TENM2: variants seen among roughly 807,000 people sequenced by gnomAD.
The protein encoded by TENM2 is teneurin-2.
In TENM2, 52 loss-of-function variants were observed where a neutral mutation model predicts 245.2. The observed-to-expected ratio is 0.21, with a 90% CI of 0.17 to 0.27. The LOEUF (loss-of-function observed/expected upper bound fraction) is 0.27, where lower values mean the gene tolerates loss of function less well. TENM2 is among the 10% of genes least tolerant of loss of function. The pLI, the probability that TENM2 is intolerant of heterozygous loss-of-function variation, is 1.00. For missense variants in TENM2, 3,046 were observed against 3,666.8 expected, an observed-to-expected ratio of 0.83 and a Z score of 4.37; for synonymous variants, 1,363 against 1,438.9, an observed-to-expected ratio of 0.95 and a Z score of 1.19.
At chr5:168,259,520 G>A (rs1454273780) in intron 27 of TENM2, among the ~76,000 whole-genome samples, 3 of 152,136 alleles carry the variant, frequency 2.0e-5, no homozygotes, top group African/African-American at 4.8e-5. Context: ...CCTGGGAGGC[G>A]GAGTTTGCAG....
intron 2 of TENM2, among the ~76,000 whole-genome samples, chr5:167,478,896 C>T (rs1309828699): frequency 6.6e-6 from 1 of 152,076 alleles, no homozygotes; most frequent in Non-Finnish European, 1.5e-5. Context: ...CTGCTATGGG[C>T]TGAGTTCTTT....
the TENM2 span, among the ~76,000 whole-genome samples, chr5:167,263,255 T>C: frequency 4.0e-5 from 6 of 149,628 alleles, no homozygotes; most frequent in African/African-American, 1.5e-4. Flanking sequence ...AGTCACTTTT[T>C]CTCCTTATAA....
chr5:167,415,844 GC>G (rs1261033822), intron 2 of TENM2, among the ~76,000 whole-genome samples: 4 of 152,184 alleles, frequency 2.6e-5, no homozygotes, highest in African/African-American at 9.6e-5. Context: ...AATTTGAAGT[GC>G]TAGGGCCCCT....
At chr5:168,026,313 A>G (rs1786627153) in intron 5 of TENM2, among the ~76,000 whole-genome samples, 1 of 152,208 alleles carries the variant, frequency 6.6e-6, no homozygotes, top group South Asian at 2.1e-4. Context: ...TAGCCCTCTC[A>G]TGATGGGGAT....
intron 1 of TENM2, among the ~76,000 whole-genome samples, chr5:167,318,463 C>T (rs1410988636): frequency 1.3e-5 from 2 of 151,614 alleles, no homozygotes; most frequent in Non-Finnish European, 2.9e-5. Context: ...ATGTTTTCCC[C>T]CACGGTGTGA....
the TENM2 span, among the ~76,000 whole-genome samples, chr5:166,995,474 C>A: frequency 2.6e-5 from 4 of 151,904 alleles, no homozygotes; most frequent in Non-Finnish European, 5.9e-5. Context: ...ATTTCCTGAC[C>A]TCGTGATCCA....
chr5:167,234,312 CTCT>C, the TENM2 span, among the ~76,000 whole-genome samples: 2 of 152,140 alleles, frequency 1.3e-5, no homozygotes, highest in Admixed American at 1.3e-4. Flanking sequence ...TCATGTTTTA[CTCT>C]TCTTCGCTCT....
chr5:168,240,028 A>G (rs994082630), intron 25 of TENM2, among the ~76,000 whole-genome samples: 5 of 152,144 alleles, frequency 3.3e-5, no homozygotes, highest in Admixed American at 1.3e-4. Flanking sequence ...GACGAGCCTG[A>G]CCAACATGGC....
chr5:167,354,257 C>G (rs1759167277), intron 1 of TENM2, among the ~76,000 whole-genome samples: 1 of 152,204 alleles, frequency 6.6e-6, no homozygotes. Flanking sequence ...CAATTCTCTA[C>G]TTCTTTAAAT....
At position 168,247,448 on chromosome 5, in the gene TENM2, C is replaced by A; in HGVS notation, c.6509C>A (p.Ser2170Tyr). Reference sequence around the variant, plus strand: ...GAGGTCCAGTATGAGATGTTCCGGTCCCTCATGTACTGGATGACGGTGCAA... The same window carrying A: ...GAGGTCCAGTATGAGATGTTCCGGTACCTCATGTACTGGATGACGGTGCAA... Residue 2170 changes from serine to tyrosine, a missense_variant, in exon 27 of 29, where the codon TCC (serine) becomes TAC (tyrosine). Coordinates refer to ENST00000518659, the Ensembl canonical transcript of TENM2. This position sits in a 1 kb window ranked among gnomAD's most constrained non-coding sequence, Gnocchi z 7.8. The A allele has an allele frequency of 6.2e-7, 1 of 1,612,912 alleles. No individual in the cohort carries two copies. The highest frequency in any genetic ancestry group is 1.1e-5 in the South Asian group (1 of 90,996).
chr5:167,970,095 A>G (rs1484629010), intron 4 of TENM2, among the ~76,000 whole-genome samples: 1 of 152,238 alleles, frequency 6.6e-6, no homozygotes, highest in Non-Finnish European at 1.5e-5. Context: ...AGGCAGACAC[A>G]GTCCCGGCCA....
At chr5:168,220,926 A>T (rs763558922) in intron 23 of TENM2, among the ~76,000 whole-genome samples, 26 of 152,278 alleles carry the variant, frequency 1.7e-4, no homozygotes, top group South Asian at 6.2e-4. Flanking sequence ...AGCCTGGCCA[A>T]CATGGAAAAA....
At chr5:168,233,384 G>C (rs563862923) in intron 25 of TENM2, among the ~76,000 whole-genome samples, 1 of 152,128 alleles carries the variant, frequency 6.6e-6, no homozygotes, top group African/African-American at 2.4e-5. Flanking sequence ...GCAGGGACCA[G>C]GTCGCCCCTG....
intron 3 of TENM2, among the ~76,000 whole-genome samples, chr5:167,877,911 T>C (rs1306776187): frequency 2.6e-5 from 4 of 152,210 alleles, no homozygotes; most frequent in African/African-American, 4.8e-5. Context: ...TTTCATACTA[T>C]GTAATCGTGA....
chr5:168,185,511 C>A (rs1278082426), intron 13 of TENM2, among the ~76,000 whole-genome samples: 1 of 152,094 alleles, frequency 6.6e-6, no homozygotes, highest in Non-Finnish European at 1.5e-5. Context: ...GAAACTGAAG[C>A]ACAGAGCAGT....
intron 2 of TENM2, among the ~76,000 whole-genome samples, chr5:167,464,364 A>G (rs1192770941): frequency 6.6e-6 from 1 of 152,210 alleles, no homozygotes; most frequent in Non-Finnish European, 1.5e-5. Flanking sequence ...TCGTATTACC[A>G]TAGAGTATAT....
In TENM2 at chr5:167,951,187, G is replaced by A. The variant is rs144693066; in HGVS notation, c.713-1401G>A. Among the ~76,000 whole-genome samples, 671 of 152,248 alleles carry A rather than the reference G, an allele frequency of 4.4e-3. 5 individuals carry two copies. Among genetic ancestry groups the A allele is most frequent in the African/African-American group, 0.015 (642 of 41,532 alleles). On this transcript the variant is annotated intron_variant, in intron 3 of 28. Transcript: ENST00000518659. ...ATTACACCTTTTGGAGATGTAGCCC[G>A]GCCACATAAGGAGACAAGTAGTTGA...
chr5:167,756,347 C>T (rs1230954094), intron 2 of TENM2, among the ~76,000 whole-genome samples: 2 of 152,178 alleles, frequency 1.3e-5, no homozygotes, highest in African/African-American at 4.8e-5. Flanking sequence ...AACCCCACAA[C>T]ACAAGCTCAT....
At chr5:167,728,738 AC>A (rs1250649804) in intron 2 of TENM2, 1 of 152,616 alleles carries the variant, frequency 6.6e-6, no homozygotes. Context: ...CTCCCCCTAC[AC>A]CCCCCAACAA....
Sources: allele counts gnomAD v4.1 joint callset (sites outside exome capture counted in the v4.1 genomes callset), GRCh38; gene constraint gnomAD v4.1.1; non-coding constraint Gnocchi (gnomAD v3.1); transcripts MANE v1.5; gene names NCBI Gene and HGNC (gene_info 2026-07-23, HGNC 2026-07-21).